The following GALNT7 variants were observed in gnomAD, a reference collection of about 807,000 sequenced individuals.
GALNT7 encodes the protein N-acetylgalactosaminyltransferase 7.
Under a neutral mutation model 82.1 loss-of-function variants are expected in GALNT7, and 60 were observed. The ratio of observed to expected loss-of-function variants is 0.73; its 90% confidence interval spans 0.59 to 0.91. The LOEUF (loss-of-function observed/expected upper bound fraction) is 0.91, where lower values mean the gene tolerates loss of function less well. GALNT7 is among the 40% of genes least tolerant of loss of function. The pLI is 0.00. For synonymous variants in GALNT7, 243 were observed against 275.1 expected, an observed-to-expected ratio of 0.88 and a Z score of 1.15; for missense variants, 660 against 804.2, an observed-to-expected ratio of 0.82 and a Z score of 2.17.
chr4:173,266,871 GTGTGT>G lies in GALNT7; in HGVS notation c.587+18432_587+18436del, dbSNP rs1561181362. On this transcript the variant is annotated intron_variant, in intron 2 of 11. Coordinates refer to ENST00000265000, the MANE Select transcript of GALNT7 (RefSeq NM_017423.3). ...ACGGCTACCTGAGGCTGGGAAGGGTGTGTGTGTGTGTGTGTGTGTGTGTGTGTGTG... is the reference window on the plus strand; with the variant it reads ...ACGGCTACCTGAGGCTGGGAAGGGTGGTGTGTGTGTGTGTGTGTGTGTGTG... 9.0e-3 allele frequency among the ~76,000 whole-genome samples: 462 copies of G among 51,186 alleles called. 3 individuals carry two copies. The highest frequency in any genetic ancestry group is 0.022 in the Middle Eastern group (2 of 90). 33.6% of individuals were successfully genotyped at this position (51,186 alleles called of 152,430 possible).
At chr4:173,309,579 T>C (rs569532255) in intron 8 of GALNT7, among the ~76,000 whole-genome samples, 2 of 152,330 alleles carry the variant, frequency 1.3e-5, no homozygotes, top group South Asian at 2.1e-4. Context: ...TTGAGGTTTA[T>C]TTGGTTGGGC....
Position 173,233,954 on chromosome 4 carries a change from C to A in GALNT7, c.127-14026C>A, listed in dbSNP as rs1283231733. Among the ~76,000 whole-genome samples the A allele has an allele frequency of 2.6e-5, 4 of 152,124 alleles. No individual in the cohort carries two copies. In the South Asian group the frequency reaches 6.2e-4, roughly 24 times the overall value. ...AAATGTTGTCTATTCTTGTTTGTAT[C>A]GTTTCCACATCTCCCAACTCCACAC... On this transcript the variant is annotated intron_variant, in intron 1 of 11. Coordinates refer to ENST00000265000, the MANE Select transcript of GALNT7 (RefSeq NM_017423.3).
chr4:173,239,756 A>G (rs1293191927), intron 1 of GALNT7, among the ~76,000 whole-genome samples: 3 of 152,226 alleles, frequency 2.0e-5, no homozygotes, highest in Admixed American at 6.5e-5. Flanking sequence ...TTTTCCAGTA[A>G]TAATTTTAAC....
At position 173,289,981 on chromosome 4, in the gene GALNT7, A is replaced by C. The variant is rs114983099; in HGVS notation, c.588-2127A>C. Among the ~76,000 whole-genome samples, 1,143 of 152,318 alleles carry C rather than the reference A, an allele frequency of 7.5e-3. 12 individuals carry two copies. Among genetic ancestry groups the C allele is most frequent in the African/African-American group, 0.026 (1,067 of 41,558 alleles). On this transcript the variant is annotated intron_variant, in intron 2 of 11. Transcript: ENST00000265000. Reference sequence around the variant, plus strand: ...AAGAATAGACATTACTGAGAACAAAATATAAGAGGCATTTCAAAAATATTA... The same window carrying C: ...AAGAATAGACATTACTGAGAACAAACTATAAGAGGCATTTCAAAAATATTA...
rs549165191 is a variant in GALNT7 at position 173,260,012 on chromosome 4, T to C, written c.587+11572T>C. 2.6e-5 allele frequency among the ~76,000 whole-genome samples: 4 copies of C among 152,336 alleles called. No individual in the cohort carries two copies. In the South Asian group the frequency reaches 8.3e-4, roughly 32 times the overall value. On this transcript the variant is annotated intron_variant, in intron 2 of 11. Coordinates refer to ENST00000265000, the MANE Select transcript of GALNT7 (RefSeq NM_017423.3). The stretch of plus-strand genomic sequence containing the variant: ...ATTATTTGAAGTAACAAGAAAAATA[T>C]CAATCATGCTTATTTTATTAACCTT...
chr4:173,216,801 G>T (rs1733487303), intron 1 of GALNT7, among the ~76,000 whole-genome samples: 2 of 136,596 alleles, frequency 1.5e-5, no homozygotes, highest in Non-Finnish European at 3.1e-5. Flanking sequence ...CGCAATCTCG[G>T]CTCACTGCAA....
intron 2 of GALNT7, among the ~76,000 whole-genome samples, chr4:173,261,390 G>GTT (rs35509489): frequency 3.1e-4 from 46 of 146,920 alleles, no homozygotes; most frequent in Admixed American, 1.8e-3. Flanking sequence ...GTTTTTTTTT[G>GTT]TTTTTTTTTT....
chr4:173,231,940 A>G (rs1474730602), intron 1 of GALNT7, among the ~76,000 whole-genome samples: 1 of 152,200 alleles, frequency 6.6e-6, no homozygotes, highest in Non-Finnish European at 1.5e-5. Flanking sequence ...ACTAACATAT[A>G]GGACAGTTAG....
At chr4:173,178,048 T>TGCGCGCGCGCGC (rs566263598) in intron 1 of GALNT7, among the ~76,000 whole-genome samples, 1 of 113,698 alleles carries the variant, frequency 8.8e-6, no homozygotes, top group Non-Finnish European at 1.9e-5. Context: ...TGTGTGTGTG[T>TGCGCGCGCGCGC]GTGTGCGCGC....
At chr4:173,172,144 C>T (rs573163914) in intron 1 of GALNT7, among the ~76,000 whole-genome samples, 10 of 152,312 alleles carry the variant, frequency 6.6e-5, no homozygotes, top group African/African-American at 1.7e-4. Flanking sequence ...ATGTGGGCTA[C>T]TTGAGAAATC....
intron 2 of GALNT7, among the ~76,000 whole-genome samples, chr4:173,250,499 T>C (rs1160998599): frequency 6.6e-6 from 1 of 152,080 alleles, no homozygotes; most frequent in Admixed American, 6.6e-5. Context: ...GCCACCAAAA[T>C]GTAGCCCAGA....
intron 8 of GALNT7, among the ~76,000 whole-genome samples, chr4:173,309,326 C>T (rs536201279): frequency 3.9e-5 from 6 of 152,242 alleles, no homozygotes; most frequent in Admixed American, 1.3e-4. Flanking sequence ...TCATAGTCGC[C>T]GTCTTCCAAG....
In GALNT7 at chr4:173,295,901, G is replaced by C. The variant is rs542734579; in HGVS notation, c.965+58G>C. 276 of 936,036 alleles carry C rather than the reference G, an allele frequency of 2.9e-4. 1 individual carries two copies. In the South Asian group the frequency reaches 3.3e-3, roughly 11 times the overall value. The allele number at this position is 936,036 out of a possible 1,614,324, so 58.0% of individuals were successfully genotyped here. A position where few individuals can be genotyped will look rare whatever the true frequency, so the allele number is the denominator to read the frequency against. On this transcript the variant is annotated intron_variant, in intron 5 of 11. Coordinates refer to ENST00000265000, the MANE Select transcript of GALNT7 (RefSeq NM_017423.3). ...TGAAAGTAAACCTTGTCCTAGAAGG[G>C]CAAATAATATTTTCATCCTTTGATT...
chr4:173,192,223 C>T (rs138428972), intron 1 of GALNT7, among the ~76,000 whole-genome samples: 6 of 152,164 alleles, frequency 3.9e-5, no homozygotes, highest in South Asian at 2.1e-4. Context: ...TATAAAGAAG[C>T]GTTATTCCTT....
At chr4:173,301,518 C>T (rs1736935002) in intron 6 of GALNT7, among the ~76,000 whole-genome samples, 1 of 152,220 alleles carries the variant, frequency 6.6e-6, no homozygotes. Flanking sequence ...TGTGTCATTT[C>T]TGTGCTACAT....
At chr4:173,274,140 C>G (rs1033421434) in intron 2 of GALNT7, among the ~76,000 whole-genome samples, 2 of 152,130 alleles carry the variant, frequency 1.3e-5, no homozygotes, top group African/African-American at 4.8e-5. Context: ...AACATATGTC[C>G]AGTCCTAGGA....
At chr4:173,196,118 T>G (rs921861421) in intron 1 of GALNT7, among the ~76,000 whole-genome samples, 1 of 149,146 alleles carries the variant, frequency 6.7e-6, no homozygotes, top group African/African-American at 2.4e-5. Flanking sequence ...AAGGGAGTTT[T>G]AAGTTGGAAT....
At chr4:173,296,878 A>G (rs956328834) in intron 5 of GALNT7, among the ~76,000 whole-genome samples, 5 of 152,166 alleles carry the variant, frequency 3.3e-5, no homozygotes, top group Admixed American at 3.3e-4. Flanking sequence ...CTCTGGAGAG[A>G]AGGAAGCATC....
intron 8 of GALNT7, among the ~76,000 whole-genome samples, chr4:173,307,084 G>T (rs549965741): frequency 6.6e-6 from 1 of 152,338 alleles, no homozygotes; most frequent in South Asian, 2.1e-4. Context: ...CTCCTCAGTG[G>T]CTAATGCTGT....
Sources: allele counts gnomAD v4.1 joint callset (sites outside exome capture counted in the v4.1 genomes callset), GRCh38; gene constraint gnomAD v4.1.1; transcripts MANE v1.5; gene names NCBI Gene and HGNC (gene_info 2026-07-23, HGNC 2026-07-21).